Variants in PCDH11X observed in about 807,000 individuals in gnomAD.
The protein encoded by PCDH11X is protocadherin-11 X-linked.
A neutral mutation model predicts 53.3 loss-of-function variants in PCDH11X; 18 were observed. That is an observed-to-expected ratio of 0.34 (90% confidence interval 0.23 to 0.50). The LOEUF (loss-of-function observed/expected upper bound fraction) is 0.50. Among genes scored for constraint, PCDH11X ranks in the 20% least tolerant of loss-of-function variants. PCDH11X has a pLI of 0.98. For missense variants in PCDH11X, 570 were observed against 1,032.4 expected (o/e 0.55, Z 6.14); for synonymous variants, 279 against 393.3 (o/e 0.71, Z 3.44).
At chrX:92,031,069 T>C (rs1391591844) in intron 6 of PCDH11X, among the ~76,000 whole-genome samples, 1 of 111,388 alleles carries the variant, frequency 9.0e-6, no homozygotes, top group Non-Finnish European at 1.9e-5. Context: ...CAAACTTTTC[T>C]CCATAGTGGT....
chrX:92,031,690 C>A (rs1229713542), intron 6 of PCDH11X, among the ~76,000 whole-genome samples: 1 of 111,185 alleles, frequency 9.0e-6, no homozygotes, highest in Non-Finnish European at 1.9e-5. Context: ...TAGTTTCATT[C>A]TTCTGCACAT....
intron 6 of PCDH11X, among the ~76,000 whole-genome samples, chrX:92,182,717 T>C (rs2066017761): frequency 8.9e-6 from 1 of 112,017 alleles, no homozygotes; most frequent in Admixed American, 9.5e-5. Context: ...GCCATCCATG[T>C]GAGAGATGAC....
chrX:91,856,953 T>G (rs953916728), intron 5 of PCDH11X, among the ~76,000 whole-genome samples: 14 of 111,949 alleles, frequency 1.3e-4, no homozygotes, highest in African/African-American at 4.6e-4. Context: ...GTATATTCCC[T>G]TGGGTATATA....
chrX:92,291,563 T>C lies in PCDH11X; in HGVS notation c.3144+28420T>C, dbSNP rs1381505235. On this transcript the variant is annotated intron_variant, in intron 8 of 10. Coordinates refer to ENST00000682573, the MANE Select transcript of PCDH11X (RefSeq NM_032968.5). The stretch of plus-strand genomic sequence containing the variant: ...ATATAGGTTAAAAATGGGTATGAGG[T>C]CTTAAGCTAGCAAAATGAACTATCT... Among the ~76,000 whole-genome samples, 4 of 96,433 alleles carry C rather than the reference T, an allele frequency of 4.1e-5. No homozygotes were observed. In the East Asian group the frequency reaches 1.3e-3, roughly 31 times the overall value. 83.7% of individuals were successfully genotyped at this position (96,433 alleles called of 115,157 possible).
At chrX:92,223,173 T>A (rs956556994) in intron 7 of PCDH11X, among the ~76,000 whole-genome samples, 4 of 111,879 alleles carry the variant, frequency 3.6e-5, no homozygotes, top group African/African-American at 1.3e-4. Context: ...ATACTTATGT[T>A]CCAAACTGGA....
intron 8 of PCDH11X, among the ~76,000 whole-genome samples, chrX:92,274,451 C>T (rs1286767237): frequency 9.0e-6 from 1 of 111,045 alleles, no homozygotes; most frequent in Non-Finnish European, 1.9e-5. Flanking sequence ...TTATGTCTGA[C>T]AGAACGGAAG....
At chrX:92,267,829 C>A (rs937450763) in intron 8 of PCDH11X, among the ~76,000 whole-genome samples, 20 of 112,221 alleles carry the variant, frequency 1.8e-4, no homozygotes, top group African/African-American at 6.5e-4. Flanking sequence ...TGAGGACCTT[C>A]TTGTTGCATC....
chrX:91,878,780 A>T lies in PCDH11X; in HGVS notation c.2540A>T (p.Lys847Ile). The change falls in exon 6 of 11, where the codon AAA (lysine) becomes ATA (isoleucine). Residue 847 changes from lysine (K) to isoleucine (I), a missense_variant. Around this residue, in one of 6 missense-constraint regions of PCDH11X, gnomAD observed 226 missense variants for 457.5 expected, o/e 0.49. Transcript: ENST00000682573. Reference protein sequence around the residue: ...RQAPHLKAAQKNKQNSEWATP... With the variant: ...RQAPHLKAAQINKQNSEWATP... ...GCACCACACCTTAAGGCTGCTCAGA[A>T]AAACAAGCAGAATTCTGAATGGGCT... 14 of 1,211,592 alleles carry T rather than the reference A, an allele frequency of 1.2e-5. No homozygotes were observed. Among genetic ancestry groups the T allele is most frequent in the Non-Finnish European group, 1.6e-5 (14 of 895,463 alleles).
intron 6 of PCDH11X, among the ~76,000 whole-genome samples, chrX:92,081,272 A>C (rs1328737801): frequency 4.5e-5 from 5 of 110,281 alleles, no homozygotes; most frequent in Non-Finnish European, 9.5e-5. Flanking sequence ...ATATTAAATA[A>C]TTTTCAGGGC....
chrX:92,187,159 T>C (rs1427447003), intron 6 of PCDH11X, among the ~76,000 whole-genome samples: 1 of 111,662 alleles, frequency 9.0e-6, no homozygotes, highest in Admixed American at 9.6e-5. Flanking sequence ...ATCAGTCTAA[T>C]GAGGCTAAAA....
intron 9 of PCDH11X, among the ~76,000 whole-genome samples, chrX:92,389,833 C>T (rs1458562057): frequency 1.9e-5 from 2 of 104,307 alleles, no homozygotes; most frequent in South Asian, 4.2e-4. Flanking sequence ...TACTTAGGGG[C>T]TTTTTTTTTT....
chrX:91,911,066 T>C, intron 6 of PCDH11X, among the ~76,000 whole-genome samples: 1 of 111,652 alleles, frequency 9.0e-6, no homozygotes, highest in East Asian at 2.8e-4. Flanking sequence ...CTAAATTATC[T>C]GAATTTCAAA....
intron 10 of PCDH11X, among the ~76,000 whole-genome samples, chrX:92,558,559 C>T (rs1244213855): frequency 9.0e-6 from 1 of 111,405 alleles, no homozygotes; most frequent in Non-Finnish European, 1.9e-5. Flanking sequence ...CTACACTCAG[C>T]TTATGAGTGA....
intron 6 of PCDH11X, among the ~76,000 whole-genome samples, chrX:92,108,773 G>A (rs2064439494): frequency 8.9e-6 from 1 of 111,953 alleles, no homozygotes; most frequent in Admixed American, 9.5e-5. Context: ...TAAGCCGTAA[G>A]AGGTAGGGAC....
At chrX:92,007,308 A>G (rs2147973041) in intron 6 of PCDH11X, among the ~76,000 whole-genome samples, 2 of 111,679 alleles carry the variant, frequency 1.8e-5, no homozygotes, top group South Asian at 7.5e-4. Context: ...ATCTGAGCTG[A>G]TATTCAAACC....
At chrX:92,553,194 C>T (rs1007151216) in intron 10 of PCDH11X, among the ~76,000 whole-genome samples, 3 of 90,944 alleles carry the variant, frequency 3.3e-5, no homozygotes, top group East Asian at 3.3e-4. Context: ...TTGAAGTCGT[C>T]GGGTCTCGGG....
rs769260839 is a variant in PCDH11X at position 91,826,390 on chromosome X, G to A, written c.-44-9071G>A. ...TAGTGAAGTAAAGAACACACAAGAA[G>A]TAGGGTTTATTTTAACTTATAAATG... On this transcript the variant is annotated intron_variant, in intron 4 of 10. Coordinates refer to ENST00000682573, the MANE Select transcript of PCDH11X (RefSeq NM_032968.5). Among the ~76,000 whole-genome samples the A allele has an allele frequency of 2.7e-5, 3 of 110,173 alleles. No individual in the cohort carries two copies. The Admixed American group carries it at 2.9e-4, about 11-fold the overall frequency.
intron 7 of PCDH11X, among the ~76,000 whole-genome samples, chrX:92,214,686 G>T (rs1422988855): frequency 9.0e-6 from 1 of 111,281 alleles, no homozygotes; most frequent in Non-Finnish European, 1.9e-5. Flanking sequence ...AAACATGGAC[G>T]TTTAGGTTTC....
chrX:91,796,723 T>A (rs773990065), intron 1 of PCDH11X, among the ~76,000 whole-genome samples: 1 of 111,880 alleles, frequency 8.9e-6, no homozygotes, highest in East Asian at 2.8e-4. Flanking sequence ...GCATACTGGA[T>A]AATCATTATA....
Sources: gnomAD v4.1 joint callset for allele counts (sites outside exome capture counted in the v4.1 genomes callset) on GRCh38, gnomAD v4.1.1 for gene constraint, gnomAD v4.1.1 regional missense constraint, MANE v1.5 for transcripts, NCBI Gene and HGNC (gene_info 2026-07-23, HGNC 2026-07-21) for gene names.